Variants in PDHX observed in about 807,000 individuals in gnomAD.
PDHX encodes the protein pyruvate dehydrogenase protein X component, mitochondrial.
Under a neutral mutation model 55.3 loss-of-function variants are expected in PDHX, and 33 were observed. The ratio of observed to expected loss-of-function variants is 0.60; its 90% CI spans 0.45 to 0.80. The LOEUF (loss-of-function observed/expected upper bound fraction) is 0.80. Ranked by LOEUF, PDHX falls within the 30% of genes least tolerant of loss-of-function variation. The probability of loss-of-function intolerance (pLI) is 0.00; values close to 1 mark genes in which losing one functional copy is unlikely to be tolerated. For synonymous variants in PDHX, 226 were observed against 219.4 expected, an observed-to-expected ratio of 1.03 and a Z score of -0.27; for missense variants, 622 against 619.9, an observed-to-expected ratio of 1.00 and a Z score of -0.04.
chr11:34,978,110 T>A lies in PDHX; in HGVS notation c.965-14T>A. On this transcript the variant is annotated splice_polypyrimidine_tract_variant and intron_variant, in intron 7 of 10. Transcript: ENST00000227868. ...TTAGGAATACTAATTTTACTAACCTTATTTTTCTTTCAGATGACATTAAAG... is the reference window on the plus strand; with the variant it reads ...TTAGGAATACTAATTTTACTAACCTAATTTTTCTTTCAGATGACATTAAAG... 6.9e-7 allele frequency: 1 copy of A among 1,443,550 alleles called. No individual in the cohort carries two copies. Among genetic ancestry groups the A allele is most frequent in the Non-Finnish European group, 9.7e-7 (1 of 1,026,004 alleles). The allele number at this position is 1,443,550 out of a possible 1,614,324, so 89.4% of individuals were successfully genotyped here.
At chr11:34,942,168 T>G (rs1007191877) in intron 2 of PDHX, among the ~76,000 whole-genome samples, 39 of 150,848 alleles carry the variant, frequency 2.6e-4, no homozygotes, top group African/African-American at 9.7e-4. Flanking sequence ...GCCTTATACA[T>G]TAATGTTTGT....
chr11:34,988,577 A>C (rs1438214321), intron 9 of PDHX, among the ~76,000 whole-genome samples: 2 of 151,652 alleles, frequency 1.3e-5, no homozygotes, highest in African/African-American at 2.4e-5. Flanking sequence ...AAAAAAAAGA[A>C]ACTTGAGAAG....
intron 7 of PDHX, among the ~76,000 whole-genome samples, chr11:34,970,563 T>C (rs1855236368): frequency 6.6e-6 from 1 of 152,186 alleles, no homozygotes. Flanking sequence ...TTCCTCTTTG[T>C]CATATTTGAA....
intron 1 of PDHX, among the ~76,000 whole-genome samples, chr11:34,921,585 A>C (rs1466962573): frequency 6.6e-6 from 1 of 152,222 alleles, no homozygotes; most frequent in East Asian, 1.9e-4. Context: ...TGACTAAAAT[A>C]GGCCAGTAAT....
At chr11:34,978,490 T>C (rs144299568) in intron 8 of PDHX, among the ~76,000 whole-genome samples, 1 of 152,144 alleles carries the variant, frequency 6.6e-6, no homozygotes, top group East Asian at 1.9e-4. Flanking sequence ...CAAACACTAT[T>C]ATATGTCAGA....
intron 2 of PDHX, among the ~76,000 whole-genome samples, chr11:34,935,867 G>A (rs1411971435): frequency 2.0e-5 from 3 of 152,196 alleles, no homozygotes; most frequent in Non-Finnish European, 4.4e-5. Flanking sequence ...AGGACTTCCA[G>A]GGTATCCTAA....
chr11:34,940,197 A>G (rs1281786467), intron 2 of PDHX, among the ~76,000 whole-genome samples: 1 of 152,214 alleles, frequency 6.6e-6, no homozygotes, highest in South Asian at 2.1e-4. Context: ...TCCATCAAGC[A>G]CTTAGCCACA....
chr11:34,954,452 A>T (rs1356787608), intron 3 of PDHX, among the ~76,000 whole-genome samples: 1 of 152,204 alleles, frequency 6.6e-6, no homozygotes, highest in South Asian at 2.1e-4. Context: ...CTGGTACAGA[A>T]GCCTCACACT....
chr11:34,994,015 A>G (rs1031016974), intron 10 of PDHX, among the ~76,000 whole-genome samples: 4 of 152,090 alleles, frequency 2.6e-5, no homozygotes, highest in African/African-American at 9.7e-5. Context: ...GTATTGTTTT[A>G]AATTTTTATT....
chr11:34,918,738 A>G (rs1404529485), intron 1 of PDHX, among the ~76,000 whole-genome samples: 1 of 152,216 alleles, frequency 6.6e-6, no homozygotes, highest in Non-Finnish European at 1.5e-5. Flanking sequence ...TCCAAAATGG[A>G]TCTAACTAGG....
At chr11:34,990,075 A>G (rs894040446) in intron 9 of PDHX, among the ~76,000 whole-genome samples, 1 of 152,166 alleles carries the variant, frequency 6.6e-6, no homozygotes, top group African/African-American at 2.4e-5. Context: ...TGGGGGCTGT[A>G]GGCATACCCC....
chr11:34,961,096 T>C (rs1380155962), intron 5 of PDHX, among the ~76,000 whole-genome samples: 2 of 152,230 alleles, frequency 1.3e-5, no homozygotes, highest in African/African-American at 4.8e-5. Context: ...AAATCAGTTT[T>C]CTTAGTTCAT....
At chr11:34,956,059 A>G (rs1481233149) in intron 3 of PDHX, among the ~76,000 whole-genome samples, 1 of 152,242 alleles carries the variant, frequency 6.6e-6, no homozygotes, top group African/African-American at 2.4e-5. Context: ...TCTTTTTGAC[A>G]TAGTAAAGAA....
chr11:34,927,429 G>A (rs1457569542), intron 1 of PDHX, among the ~76,000 whole-genome samples: 3 of 152,030 alleles, frequency 2.0e-5, no homozygotes, highest in African/African-American at 7.2e-5. Flanking sequence ...CTGCATATAA[G>A]TTCAAATGCA....
intron 7 of PDHX, among the ~76,000 whole-genome samples, chr11:34,972,693 C>G (rs1009018438): frequency 6.6e-6 from 1 of 152,136 alleles, no homozygotes; most frequent in African/African-American, 2.4e-5. Context: ...GCCACCACGC[C>G]TGGCATTATT....
At chr11:34,946,660 G>T (rs1441556117) in intron 2 of PDHX, among the ~76,000 whole-genome samples, 1 of 152,116 alleles carries the variant, frequency 6.6e-6, no homozygotes, top group East Asian at 1.9e-4. Flanking sequence ...CAGTATTCTG[G>T]TCCCCACCTT....
At chr11:34,939,504 T>TGTGTGTGTGTGTGTGTGC (rs1491574898) in intron 2 of PDHX, among the ~76,000 whole-genome samples, 3 of 148,406 alleles carry the variant, frequency 2.0e-5, no homozygotes, top group African/African-American at 7.7e-5. Flanking sequence ...TGTGTGTGTG[T>TGTGTGTGTGTGTGTGTGC]GCACTTGCAT....
chr11:34,937,290 C>T (rs1024176308), intron 2 of PDHX, among the ~76,000 whole-genome samples: 3 of 146,370 alleles, frequency 2.0e-5, no homozygotes, highest in Non-Finnish European at 4.7e-5. Flanking sequence ...TGCTCTCTAT[C>T]GGATATAATA....
chr11:34,924,067 A>G (rs531302061), intron 1 of PDHX, among the ~76,000 whole-genome samples: 2 of 152,282 alleles, frequency 1.3e-5, no homozygotes, highest in African/African-American at 4.8e-5. Flanking sequence ...AGGAACTGTG[A>G]TATTCTACAA....
Sources: allele counts gnomAD v4.1 joint callset (sites outside exome capture counted in the v4.1 genomes callset), GRCh38; gene constraint gnomAD v4.1.1; transcripts MANE v1.5; gene names NCBI Gene and HGNC (gene_info 2026-07-23, HGNC 2026-07-21).